RAD9B: variants seen among roughly 807,000 people sequenced by gnomAD.
RAD9B encodes cell cycle checkpoint control protein RAD9B.
In RAD9B, 41 loss-of-function variants were observed where a neutral mutation model predicts 48.3. The ratio of observed to expected loss-of-function variants is 0.85; its 90% confidence interval spans 0.66 to 1.10. The LOEUF (loss-of-function observed/expected upper bound fraction) is 1.10. Among genes scored for constraint, RAD9B ranks in the 50% least tolerant of loss-of-function variants. The pLI is 0.00. For missense variants in RAD9B, 444 were observed against 485.1 expected (o/e 0.92, Z 0.80); for synonymous variants, 160 against 157.9 (o/e 1.01, Z -0.10).
intron 4 of RAD9B, among the ~76,000 whole-genome samples, chr12:110,507,511 A>G (rs1287865666): frequency 3.5e-5 from 1 of 28,222 alleles, no homozygotes; most frequent in African/African-American, 7.8e-5. Context: ...TATTAAATAT[A>G]ATACATAATA....
intron 6 of RAD9B, among the ~76,000 whole-genome samples, chr12:110,516,664 G>A (rs1013413258): frequency 5.3e-5 from 8 of 152,004 alleles, no homozygotes; most frequent in Admixed American, 4.6e-4. Flanking sequence ...CAAAAAATTA[G>A]TGGGGCGTGG....
Position 110,522,291 on chromosome 12 carries a change from A to G in RAD9B, c.1005A>G (p.Ile335Met), listed in dbSNP as rs1380766701. 3 of 1,613,614 alleles carry G rather than the reference A, an allele frequency of 1.9e-6. No individual in the cohort carries two copies. Among genetic ancestry groups the G allele is most frequent in the Middle Eastern group, 1.6e-4 (1 of 6,062 alleles). ...RLYPKETLTN[I>M]SALENCGSPA... ...ATCCTAAGGAGACTCTCACAAACAT[A>G]TCTGCATTGGAAAACTGTGGCAGCC... The change falls in exon 10 of 11, where the codon ATA becomes ATG. Residue 335 changes from isoleucine to methionine, a missense_variant. Ile to Met is a conservative substitution (Grantham distance 10, BLOSUM62 1). Transcript: ENST00000409300.
chr12:110,502,394 C>T lies in RAD9B; in HGVS notation c.46+11C>T. ...GCAGTCAGGTGAAAGGTGGAGCGGC[C>T]TTTGTTGTCTTCCCATTTAGCAGAG... On this transcript the variant is annotated intron_variant, in intron 1 of 10. Coordinates refer to ENST00000409300, the MANE Select transcript of RAD9B (RefSeq NM_001286535.2). The T allele has an allele frequency of 4.3e-6, 7 of 1,613,334 alleles. No individual in the cohort carries two copies. Among genetic ancestry groups the T allele is most frequent in the Non-Finnish European group, 5.1e-6 (6 of 1,179,654 alleles).
intron 9 of RAD9B, among the ~76,000 whole-genome samples, chr12:110,521,307 C>G (rs1479302240): frequency 6.6e-6 from 1 of 152,028 alleles, no homozygotes; most frequent in Non-Finnish European, 1.5e-5. Context: ...CACCTGCCAC[C>G]ACACCCAGCT....
At chr12:110,516,923 G>A (rs1232244388) in intron 6 of RAD9B, among the ~76,000 whole-genome samples, 1 of 152,018 alleles carries the variant, frequency 6.6e-6, no homozygotes, top group African/African-American at 2.4e-5. Context: ...AATTTTTTAA[G>A]TCACCTGATA....
chr12:110,530,929 C>T lies in RAD9B; in HGVS notation c.*276C>T, dbSNP rs927681539. 8.6e-6 allele frequency: 10 copies of T among 1,156,446 alleles called. No homozygotes were observed. The highest frequency in any genetic ancestry group is 3.7e-4 in the Middle Eastern group (1 of 2,668). The allele number at this position is 1,156,446 out of a possible 1,614,324, so 71.6% of individuals were successfully genotyped here. On this transcript the variant is annotated 3_prime_UTR_variant, in exon 11 of 11. Coordinates refer to ENST00000409300, the MANE Select transcript of RAD9B (RefSeq NM_001286535.2). ...CATTAGAGTTCTTCAATTCAATGCA[C>T]GTTCACCCTAGAGCTTTTAACATCT...
At chr12:110,522,083 G>T in intron 9 of RAD9B, 94 bp from the exon 10 acceptor site, 1 of 781,228 alleles carries the variant, frequency 1.3e-6, no homozygotes, top group South Asian at 1.8e-5. Context: ...CCCTAATCCA[G>T]TGCTATCATT....
chr12:110,517,690 C>T (rs911572731), intron 6 of RAD9B, among the ~76,000 whole-genome samples: 10 of 151,338 alleles, frequency 6.6e-5, no homozygotes, highest in Admixed American at 5.9e-4. Context: ...TCCTCTCTCT[C>T]TGAGGGTATG....
chr12:110,530,636 A>C lies in RAD9B; in HGVS notation c.1237A>C (p.Ser413Arg), dbSNP rs768209273. 6.2e-7 allele frequency: 1 copy of C among 1,613,870 alleles called. No individual in the cohort carries two copies. The highest frequency in any genetic ancestry group is 1.3e-5 in the African/African-American group (1 of 74,930). Residue 413 changes from serine to arginine, a missense_variant, in exon 11 of 11, where the codon AGT becomes CGT. Coordinates refer to ENST00000409300, the MANE Select transcript of RAD9B (RefSeq NM_001286535.2). ...SDSEEDMNNG[S>R]FSIF ...CAGTGAAGAGGACATGAATAATGGC[A>C]GTTTCTCTATATTCTAATGCTTAAT...
At chr12:110,505,963 C>A (rs2063250890) in intron 3 of RAD9B, among the ~76,000 whole-genome samples, 191 bp downstream of exon 3, 1 of 152,092 alleles carries the variant, frequency 6.6e-6, no homozygotes. Context: ...TGGCTCACTG[C>A]AACCTCTGCC....
chr12:110,515,005 G>A (rs757393628), intron 5 of RAD9B, 45 bp from the exon 6 acceptor site: 3 of 1,191,214 alleles, frequency 2.5e-6, no homozygotes, highest in Non-Finnish European at 2.4e-6. Context: ...ATGTCTTTCT[G>A]TTTGTTTTTC....
Position 110,511,943 on chromosome 12 carries a change from TTCAAGTGATTCTCCTGCC to T in RAD9B, c.389-832_389-815del, listed in dbSNP as rs2063473839. ...CTCACTGCAACCTCCACCTCCTGGG[TTCAAGTGATTCTCCTGCC>T]TCAGCCTCCCAAGTAGCTGGGATTA... On this transcript the variant is annotated intron_variant, in intron 4 of 10. Coordinates refer to ENST00000409300, the MANE Select transcript of RAD9B (RefSeq NM_001286535.2). Among the ~76,000 whole-genome samples the T allele has an allele frequency of 3.3e-5, 5 of 151,786 alleles. No individual in the cohort carries two copies. In the South Asian group the frequency reaches 1.0e-3, roughly 32 times the overall value.
At chr12:110,519,970 T>C in intron 9 of RAD9B, 54 bp downstream of exon 9, 2 of 1,558,732 alleles carry the variant, frequency 1.3e-6, no homozygotes, top group South Asian at 1.2e-5. Context: ...CATAATCTTA[T>C]TTTGAAATAA....
Position 110,519,814 on chromosome 12 carries a change from A to G in RAD9B, c.788A>G (p.Asp263Gly), listed in dbSNP as rs768484093. 1 of 1,612,106 alleles carries G rather than the reference A, an allele frequency of 6.2e-7. No individual in the cohort carries two copies. The highest frequency in any genetic ancestry group is 1.1e-5 in the South Asian group (1 of 90,528). The change falls in exon 9 of 11, where the codon GAT (aspartate) becomes GGT (glycine). Residue 263 changes from aspartate (D) to glycine (G), a missense_variant. Physicochemically the swap from Asp to Gly is moderately conservative, Grantham distance 94. Transcript: ENST00000409300. ...TTTAGACCTCTGGCTTTGAGTATTG[A>G]TGATATGTTAGTGGAAGCTAACTTT... ...FPGKPLALSIDDMLVEANFIL... is the reference protein window; with the variant it reads ...FPGKPLALSIGDMLVEANFIL...
Position 110,530,990 on chromosome 12 carries a change from A to C in RAD9B, c.*337A>C, listed in dbSNP as rs1450233978. 1 of 1,022,670 alleles carries C rather than the reference A, an allele frequency of 9.8e-7. No individual in the cohort carries two copies. Among genetic ancestry groups the C allele is most frequent in the Non-Finnish European group, 1.2e-6 (1 of 854,218 alleles). 63.3% of individuals were successfully genotyped at this position (1,022,670 alleles called of 1,614,324 possible). On this transcript the variant is annotated 3_prime_UTR_variant, in exon 11 of 11. Transcript: ENST00000409300. Reference sequence around the variant, plus strand: ...TATAAAGGTATTTAAACTTTATTCAACAGCCATTTAGAGTGCCATCAAGAT... The same window carrying C: ...TATAAAGGTATTTAAACTTTATTCACCAGCCATTTAGAGTGCCATCAAGAT...
chr12:110,518,529 A>T (rs1221757256), intron 6 of RAD9B, 147 bp from the exon 7 acceptor site: 4 of 514,100 alleles, frequency 7.8e-6, no homozygotes, highest in Non-Finnish European at 1.4e-5. Context: ...GCATTTAAAA[A>T]TAGCATGCAG....
intron 8 of RAD9B, among the ~76,000 whole-genome samples, chr12:110,519,383 C>T (rs956063291): frequency 1.3e-5 from 2 of 151,582 alleles, no homozygotes; most frequent in African/African-American, 2.4e-5. Context: ...GGATTACAGG[C>T]GTGAGCCATA....
chr12:110,506,937 TC>T (rs1302306307), intron 4 of RAD9B, among the ~76,000 whole-genome samples: 1 of 152,042 alleles, frequency 6.6e-6, no homozygotes, highest in Non-Finnish European at 1.5e-5. Context: ...CCTCGTGGGT[TC>T]AAGCAGTTCT....
chr12:110,516,113 G>C (rs1304947665), intron 6 of RAD9B, among the ~76,000 whole-genome samples: 2 of 152,082 alleles, frequency 1.3e-5, no homozygotes, highest in East Asian at 3.9e-4. Context: ...TGTAGTGTCA[G>C]CTACTTGGTA....
Sources: allele counts gnomAD v4.1 joint callset (sites outside exome capture counted in the v4.1 genomes callset), GRCh38; gene constraint gnomAD v4.1.1; transcripts MANE v1.5; gene names NCBI Gene and HGNC (gene_info 2026-07-23, HGNC 2026-07-21).